Variants in CDH12 observed in about 807,000 individuals in gnomAD.
CDH12 encodes the protein cadherin 12, also known as cadherin-12.
CDH12 carries 41 observed loss-of-function variants against 74.1 expected under a neutral mutation model. That is an observed-to-expected ratio of 0.55 (90% CI 0.43 to 0.72). The LOEUF (loss-of-function observed/expected upper bound fraction) is 0.72. Ranked by LOEUF, CDH12 falls within the 30% of genes least tolerant of loss-of-function variation. The pLI is 0.00. For missense variants in CDH12, 945 were observed against 977.2 expected, an observed-to-expected ratio of 0.97 and a Z score of 0.44; for synonymous variants, 399 against 355.0, an observed-to-expected ratio of 1.12 and a Z score of -1.39.
chr5:22,657,497 A>G (rs2126892734), intron 1 of CDH12, among the ~76,000 whole-genome samples: 1 of 152,296 alleles, frequency 6.6e-6, no homozygotes, highest in African/African-American at 2.4e-5. Context: ...TACGACACAC[A>G]ATTTACATTA....
At chr5:21,776,629 A>G (rs1483763215) in intron 11 of CDH12, among the ~76,000 whole-genome samples, 1 of 152,142 alleles carries the variant, frequency 6.6e-6, no homozygotes, top group East Asian at 1.9e-4. Context: ...TTTATGTGCC[A>G]TCCTCCACCC....
intron 8 of CDH12, among the ~76,000 whole-genome samples, chr5:21,817,600 A>G (rs1344058732): frequency 2.6e-5 from 4 of 152,044 alleles, no homozygotes; most frequent in Admixed American, 1.3e-4. Flanking sequence ...TATTTCCTAA[A>G]ACTAATGACT....
chr5:21,833,316 T>TATATATTATATAAC (rs1749301410), intron 8 of CDH12, among the ~76,000 whole-genome samples: 1 of 10,242 alleles, frequency 9.8e-5, no homozygotes, highest in Non-Finnish European at 1.4e-4. Context: ...TGTTATATGT[T>TATATATTATATAAC]ATATAATATA....
At chr5:22,575,335 C>T (rs1739729215) in intron 1 of CDH12, among the ~76,000 whole-genome samples, 1 of 152,068 alleles carries the variant, frequency 6.6e-6, no homozygotes. Context: ...AAGCTGATCA[C>T]CTTTTGTGTA....
chr5:22,566,840 G>A (rs961799819), intron 1 of CDH12, among the ~76,000 whole-genome samples: 4 of 152,086 alleles, frequency 2.6e-5, no homozygotes, highest in Non-Finnish European at 4.4e-5. Context: ...TATGGTCGCT[G>A]TTTTTCATAA....
At chr5:22,694,110 A>T (rs1415923082) in intron 1 of CDH12, among the ~76,000 whole-genome samples, 1 of 151,862 alleles carries the variant, frequency 6.6e-6, no homozygotes, top group Non-Finnish European at 1.5e-5. Flanking sequence ...AGCTAATTTT[A>T]AATTTTTTTT....
rs34755657 is a variant in CDH12, at chr5:22,347,236, G to A, written c.-333+58021C>T. ...TAACATTTGAGTCAGTGAACTGGGA[G>A]AGGGAGACCCATCCTCAATCTGGAT... On this transcript the variant is annotated intron_variant, in intron 3 of 14. Coordinates refer to ENST00000382254, the MANE Select transcript of CDH12 (RefSeq NM_004061.5). Among the ~76,000 whole-genome samples the A allele has an allele frequency of 7.5e-3, 1,148 of 152,258 alleles. 9 individuals are homozygous for A. The highest frequency in any genetic ancestry group is 0.013 in the Non-Finnish European group (904 of 68,026).
intron 1 of CDH12, among the ~76,000 whole-genome samples, chr5:22,713,355 A>T (rs952321479): frequency 1.3e-5 from 2 of 151,520 alleles, no homozygotes; most frequent in Non-Finnish European, 2.9e-5. Flanking sequence ...GTTGGCCAGG[A>T]TGGTCTCAAT....
intron 3 of CDH12, among the ~76,000 whole-genome samples, chr5:22,334,366 A>G (rs1739476599): frequency 6.6e-6 from 1 of 152,174 alleles, no homozygotes. Flanking sequence ...GAGAATAGAA[A>G]AAAAAAATGA....
At chr5:22,233,827 A>G (rs72742033) in intron 3 of CDH12, among the ~76,000 whole-genome samples, 11,850 of 152,240 alleles carry the variant, frequency 0.078, 530 homozygotes, top group South Asian at 0.15. Context: ...TTGGCACTAA[A>G]TTGGTTGACA....
intron 11 of CDH12, 109 bp downstream of exon 11, chr5:21,783,249 C>G: frequency 1.1e-6 from 1 of 934,274 alleles, no homozygotes; most frequent in South Asian, 1.7e-5. Context: ...CCCGCGAGAC[C>G]ACTCAGCTGT....
chr5:21,917,577 A>C (rs1299052094), intron 6 of CDH12, among the ~76,000 whole-genome samples: 7 of 152,204 alleles, frequency 4.6e-5, no homozygotes, highest in Non-Finnish European at 7.3e-5. Context: ...AGAGAAAATC[A>C]TCGAGTCTAG....
chr5:22,332,062 A>G (rs1414628778), intron 3 of CDH12, among the ~76,000 whole-genome samples: 1 of 152,184 alleles, frequency 6.6e-6, no homozygotes, highest in Non-Finnish European at 1.5e-5. Context: ...CTTAAAAAGG[A>G]GATAGAGAAA....
intron 6 of CDH12, among the ~76,000 whole-genome samples, chr5:21,915,136 G>A (rs1365561204): frequency 1.3e-5 from 2 of 152,104 alleles, no homozygotes; most frequent in African/African-American, 4.8e-5. Context: ...GAGATTTTCA[G>A]CAAAAAGTAA....
intron 3 of CDH12, among the ~76,000 whole-genome samples, chr5:22,389,774 A>T (rs1742151763): frequency 6.8e-6 from 1 of 146,474 alleles, no homozygotes; most frequent in Non-Finnish European, 1.5e-5. Context: ...CAGCCTCCCA[A>T]GTAGCTGGGA....
intron 6 of CDH12, among the ~76,000 whole-genome samples, chr5:21,865,850 C>T (rs189711852): frequency 2.5e-3 from 387 of 152,226 alleles, no homozygotes; most frequent in Non-Finnish European, 4.0e-3. Context: ...TACATCTGTA[C>T]GAATGAGGCC....
chr5:22,231,339 C>T (rs1004068734), intron 3 of CDH12, among the ~76,000 whole-genome samples: 1 of 151,948 alleles, frequency 6.6e-6, no homozygotes, highest in Non-Finnish European at 1.5e-5. Context: ...GCACAGATTA[C>T]AGAGAATTTA....
intron 1 of CDH12, among the ~76,000 whole-genome samples, chr5:22,667,748 T>C (rs1460540541): frequency 6.6e-6 from 1 of 152,218 alleles, no homozygotes; most frequent in Admixed American, 6.5e-5. Flanking sequence ...TAAGAATCTA[T>C]TCACTTATTT....
intron 3 of CDH12, among the ~76,000 whole-genome samples, chr5:22,329,384 C>G (rs1440455102): frequency 6.6e-6 from 1 of 152,128 alleles, no homozygotes; most frequent in Non-Finnish European, 1.5e-5. Context: ...CACAATTATT[C>G]AATCTCCGAC....
Sources: allele counts gnomAD v4.1 joint callset (sites outside exome capture counted in the v4.1 genomes callset), GRCh38; gene constraint gnomAD v4.1.1; transcripts MANE v1.5; gene names NCBI Gene and HGNC (gene_info 2026-07-23, HGNC 2026-07-21).